Variants in CWF19L2 observed in about 807,000 individuals in gnomAD.
CWF19L2 encodes the protein CWF19-like protein 2.
In CWF19L2, 98 loss-of-function variants were observed where a neutral mutation model predicts 111.7. The ratio of observed to expected loss-of-function variants is 0.88; its 90% CI spans 0.75 to 1.04. The LOEUF (loss-of-function observed/expected upper bound fraction) is 1.04. Among genes scored for constraint, CWF19L2 ranks in the 50% least tolerant of loss-of-function variants. The pLI is 0.00. For synonymous variants in CWF19L2, 351 were observed against 342.9 expected (o/e 1.02, Z -0.26); for missense variants, 1,101 against 1,051.4 (o/e 1.05, Z -0.65).
At chr11:107,400,811 C>T (rs1278852070) in intron 10 of CWF19L2, among the ~76,000 whole-genome samples, 1 of 152,052 alleles carries the variant, frequency 6.6e-6, no homozygotes, top group Non-Finnish European at 1.5e-5. Context: ...ATGTTAAAAT[C>T]CTTAACAAAA....
intron 7 of CWF19L2, among the ~76,000 whole-genome samples, chr11:107,430,768 A>G (rs1054406326): frequency 6.6e-6 from 1 of 152,082 alleles, no homozygotes; most frequent in African/African-American, 2.4e-5. Context: ...TCCATTATGT[A>G]AGATAACTAA....
intron 10 of CWF19L2, among the ~76,000 whole-genome samples, chr11:107,395,758 C>T (rs1225401315): frequency 6.6e-6 from 1 of 152,188 alleles, no homozygotes; most frequent in East Asian, 1.9e-4. Flanking sequence ...TTAGTCACAG[C>T]CAATGCTCTG....
At chr11:107,381,121 G>A (rs1399276032) in intron 12 of CWF19L2, among the ~76,000 whole-genome samples, 1 of 152,080 alleles carries the variant, frequency 6.6e-6, no homozygotes, top group African/African-American at 2.4e-5. Flanking sequence ...GCTTCTGTCT[G>A]AGATAATGAA....
chr11:107,423,273 C>T (rs1861326834), intron 8 of CWF19L2, among the ~76,000 whole-genome samples: 1 of 151,970 alleles, frequency 6.6e-6, no homozygotes, highest in Non-Finnish European at 1.5e-5. Flanking sequence ...AACAACTTTC[C>T]TCAATTTGCA....
intron 11 of CWF19L2, among the ~76,000 whole-genome samples, chr11:107,392,321 T>C (rs1171476798): frequency 1.3e-5 from 2 of 152,168 alleles, no homozygotes; most frequent in Admixed American, 6.5e-5. Context: ...AAAAACTAAT[T>C]ACTAGAGTTG....
At chr11:107,450,096 C>G (rs1236113639) in intron 3 of CWF19L2, among the ~76,000 whole-genome samples, 2 of 149,730 alleles carry the variant, frequency 1.3e-5, no homozygotes, top group Non-Finnish European at 3.0e-5. Flanking sequence ...GAGACTCCAT[C>G]TCAAGAAAAA....
intron 12 of CWF19L2, among the ~76,000 whole-genome samples, chr11:107,362,336 A>T (rs656869): frequency 1.5e-4 from 22 of 151,490 alleles, no homozygotes; most frequent in Non-Finnish European, 2.1e-4. Flanking sequence ...CTCAAGGAGG[A>T]CTGCCTGCCT....
At chr11:107,384,317 T>C (rs1860734177) in intron 12 of CWF19L2, among the ~76,000 whole-genome samples, 1 of 152,230 alleles carries the variant, frequency 6.6e-6, no homozygotes, top group South Asian at 2.1e-4. Flanking sequence ...ATACATTCCA[T>C]CTTGGGGATG....
At position 107,429,260 on chromosome 11, in the gene CWF19L2, T is replaced by G; in HGVS notation, c.972A>C (p.Ala324=). 1 of 1,612,564 alleles carries G rather than the reference T, an allele frequency of 6.2e-7. No homozygotes were observed. The highest frequency in any genetic ancestry group is 8.5e-7 in the Non-Finnish European group (1 of 1,179,510). ...SRDRYATTDT[A]KNSNNEKFIG... The stretch of plus-strand genomic sequence containing the variant: ...TAAATTTTTCATTATTGCTATTTTT[T>G]GCAGTATCTGTTGTAGCATATCTAT... The change falls in exon 8 of 18, where the codon GCA becomes GCC. Residue 324 remains alanine, a synonymous_variant. Transcript: ENST00000282251.
chr11:107,449,969 A>C (rs1307985990), intron 3 of CWF19L2, among the ~76,000 whole-genome samples: 1 of 152,156 alleles, frequency 6.6e-6, no homozygotes, highest in African/African-American at 2.4e-5. Flanking sequence ...GAATTTTAAC[A>C]AAAAATTTAA....
chr11:107,450,207 C>T (rs1425375473), intron 3 of CWF19L2, among the ~76,000 whole-genome samples: 1 of 151,934 alleles, frequency 6.6e-6, no homozygotes, highest in Non-Finnish European at 1.5e-5. Flanking sequence ...ACTTTGAGAC[C>T]AGGCTGGGCA....
In CWF19L2 at chr11:107,327,014, A is replaced by G. The variant is rs1452206559; in HGVS notation, c.2581T>C (p.Trp861Arg). The change falls in exon 18 of 18, where the codon TGG becomes CGG. Residue 861 changes from tryptophan to arginine, a missense_variant. Coordinates refer to ENST00000282251, the MANE Select transcript of CWF19L2 (RefSeq NM_152434.3). The part of the protein sequence containing the change: ...GGMLDIEPRL[W>R]RKGIRESFED... ...AAGCTTTCTCGGATGCCTTTCCTCC[A>G]AAGTCTTGGTTCTATATCCAGCATC... 1.9e-5 allele frequency: 30 copies of G among 1,611,940 alleles called. No individual in the cohort carries two copies. Among genetic ancestry groups the G allele is most frequent in the Non-Finnish European group, 2.5e-5 (29 of 1,178,862 alleles).
rs375134006 is a variant in CWF19L2, at chr11:107,433,440, C to T, written c.780+194G>A. Among the ~76,000 whole-genome samples, 16 of 152,094 alleles carry T rather than the reference C, an allele frequency of 1.1e-4. No individual in the cohort carries two copies. In the East Asian group the frequency reaches 2.9e-3, roughly 28 times the overall value. ...CACACCCACATTTAAGTTTTATATA[C>T]TTAAGCTTTACATTCATTATGTCAA... is the stretch of plus-strand genomic sequence containing the variant. On this transcript the variant is annotated intron_variant, in intron 7 of 17. Coordinates refer to ENST00000282251, the MANE Select transcript of CWF19L2 (RefSeq NM_152434.3).
intron 12 of CWF19L2, among the ~76,000 whole-genome samples, chr11:107,388,781 C>G (rs749028072): frequency 6.6e-6 from 1 of 152,292 alleles, no homozygotes; most frequent in Non-Finnish European, 1.5e-5. Flanking sequence ...ATTCAGACTT[C>G]ATATACAGAG....
At chr11:107,353,464 T>C (rs1013492431) in intron 13 of CWF19L2, 60 bp downstream of exon 13, 19 of 1,275,258 alleles carry the variant, frequency 1.5e-5, no homozygotes, top group Non-Finnish European at 1.9e-5. Flanking sequence ...CAAGTTATTC[T>C]ATGAAGAAAC....
intron 14 of CWF19L2, among the ~76,000 whole-genome samples, chr11:107,340,920 T>C (rs1859997126): frequency 6.6e-6 from 1 of 152,224 alleles, no homozygotes; most frequent in African/African-American, 2.4e-5. Flanking sequence ...TGTACCTTCG[T>C]CCATCCTCAG....
chr11:107,436,173 A>G (rs1165078715), intron 6 of CWF19L2, among the ~76,000 whole-genome samples: 1 of 151,948 alleles, frequency 6.6e-6, no homozygotes, highest in Non-Finnish European at 1.5e-5. Context: ...CAAAAAAAAA[A>G]AAAACAAACC....
chr11:107,355,944 A>G (rs1274249171), intron 12 of CWF19L2, among the ~76,000 whole-genome samples: 1 of 152,252 alleles, frequency 6.6e-6, no homozygotes, highest in Non-Finnish European at 1.5e-5. Flanking sequence ...TCTCAATTGT[A>G]CATGGAATAT....
intron 10 of CWF19L2, among the ~76,000 whole-genome samples, chr11:107,395,222 T>C (rs1335483770): frequency 6.6e-6 from 1 of 152,156 alleles, no homozygotes; most frequent in Non-Finnish European, 1.5e-5. Flanking sequence ...AAAACGGGAA[T>C]TTCTCCACAC....
Sources: allele counts gnomAD v4.1 joint callset (sites outside exome capture counted in the v4.1 genomes callset), GRCh38; gene constraint gnomAD v4.1.1; transcripts MANE v1.5; gene names NCBI Gene and HGNC (gene_info 2026-07-23, HGNC 2026-07-21).